Variants in EDA observed in about 807,000 individuals in gnomAD.
EDA encodes the protein ectodysplasin-A.
A neutral mutation model predicts 23.6 loss-of-function variants in EDA; 2 were observed. The observed-to-expected ratio is 0.08, with a 90% CI of 0.03 to 0.27. The LOEUF (loss-of-function observed/expected upper bound fraction) is 0.27, where lower values mean the gene tolerates loss of function less well. EDA is among the 10% of genes least tolerant of loss of function. The pLI, the probability that EDA is intolerant of heterozygous loss-of-function variation, is 1.00. For synonymous variants in EDA, 131 were observed against 132.0 expected (o/e 0.99, Z 0.05); for missense variants, 229 against 324.2 (o/e 0.71, Z 2.26).
At chrX:69,641,423 T>G (rs1932837911) in intron 1 of EDA, among the ~76,000 whole-genome samples, 1 of 111,629 alleles carries the variant, frequency 9.0e-6, no homozygotes, top group African/African-American at 3.3e-5. Context: ...TTTGTGTATA[T>G]ACATACACAC....
intron 1 of EDA, among the ~76,000 whole-genome samples, chrX:69,826,705 A>C (rs1602453128): frequency 1.9e-5 from 2 of 105,562 alleles, no homozygotes; most frequent in African/African-American, 6.8e-5. Context: ...TTACATTTAA[A>C]GTTAATATTG....
chrX:69,726,124 T>A (rs1292376859), intron 1 of EDA, among the ~76,000 whole-genome samples: 3 of 111,923 alleles, frequency 2.7e-5, no homozygotes, highest in African/African-American at 9.7e-5. Context: ...GAAAGTACAG[T>A]GAGTTTAGTT....
chrX:69,625,408 G>A (rs1932346902), intron 1 of EDA, among the ~76,000 whole-genome samples: 1 of 111,113 alleles, frequency 9.0e-6, no homozygotes, highest in Non-Finnish European at 1.9e-5. Flanking sequence ...GGTACATCCA[G>A]GAATAAGAAA....
intron 1 of EDA, among the ~76,000 whole-genome samples, chrX:69,704,721 C>A (rs2011642684): frequency 9.0e-6 from 1 of 110,882 alleles, no homozygotes; most frequent in Admixed American, 9.6e-5. Flanking sequence ...TTTTAAGTTA[C>A]TGAAAAAGAT....
At chrX:69,638,201 C>T (rs1334637514) in intron 1 of EDA, among the ~76,000 whole-genome samples, 1 of 111,454 alleles carries the variant, frequency 9.0e-6, no homozygotes, top group Non-Finnish European at 1.9e-5. Flanking sequence ...GTTGCCCACC[C>T]CCATAATATT....
At chrX:69,680,735 TC>T (rs1485510294) in intron 1 of EDA, among the ~76,000 whole-genome samples, 1 of 92,715 alleles carries the variant, frequency 1.1e-5, no homozygotes, top group African/African-American at 4.2e-5. Flanking sequence ...GAGATGGGTT[TC>T]CTGAATACAG....
At chrX:69,879,283 ATCT>A (rs1220468276) in intron 1 of EDA, among the ~76,000 whole-genome samples, 1 of 111,685 alleles carries the variant, frequency 9.0e-6, no homozygotes, top group African/African-American at 3.3e-5. Flanking sequence ...TGCTTTCCTG[ATCT>A]TCTCCCTCTC....
intron 1 of EDA, among the ~76,000 whole-genome samples, chrX:69,879,442 A>G (rs1310135761): frequency 3.6e-5 from 4 of 111,736 alleles, no homozygotes; most frequent in African/African-American, 9.8e-5. Context: ...AGAAAGAAAG[A>G]AAAAATATAA....
chrX:69,959,095 G>A (rs1018554449), intron 2 of EDA, among the ~76,000 whole-genome samples: 2 of 111,817 alleles, frequency 1.8e-5, no homozygotes, highest in Admixed American at 9.5e-5. Context: ...CTCTGATACC[G>A]ATCTTCCTTA....
chrX:69,989,936 C>CTTTT (rs760347264), intron 2 of EDA, among the ~76,000 whole-genome samples: 12 of 70,699 alleles, frequency 1.7e-4, no homozygotes, highest in African/African-American at 6.6e-4. Flanking sequence ...GTTAGGCTTT[C>CTTTT]TTTTTTTTTT....
At chrX:69,861,421 A>T (rs779533505) in intron 1 of EDA, among the ~76,000 whole-genome samples, 1 of 111,523 alleles carries the variant, frequency 9.0e-6, no homozygotes, top group South Asian at 3.7e-4. Context: ...AATAGAGTAG[A>T]TAGCTTTCAA....
chrX:69,879,940 C>G (rs1377488023), intron 1 of EDA, among the ~76,000 whole-genome samples: 2 of 112,398 alleles, frequency 1.8e-5, no homozygotes, highest in Admixed American at 1.9e-4. Flanking sequence ...CAAGCAAATT[C>G]TGTTCTCCAA....
At chrX:69,901,638 G>A (rs2018100331) in intron 1 of EDA, among the ~76,000 whole-genome samples, 1 of 111,926 alleles carries the variant, frequency 8.9e-6, no homozygotes, top group Non-Finnish European at 1.9e-5. Flanking sequence ...AAGAGACCAA[G>A]AAAGGTAATT....
intron 1 of EDA, among the ~76,000 whole-genome samples, chrX:69,950,987 T>C (rs2018915109): frequency 9.8e-6 from 1 of 102,545 alleles, no homozygotes; most frequent in Admixed American, 1.1e-4. Context: ...ATATACCTAA[T>C]GGTAGATGAC....
chrX:69,810,255 C>T (rs1268279499), intron 1 of EDA, among the ~76,000 whole-genome samples: 2 of 21,286 alleles, frequency 9.4e-5, no homozygotes, highest in African/African-American at 4.8e-4. Context: ...GAGACTCCAT[C>T]TCAAAAAAAA....
chrX:69,674,781 T>C (rs758913062), intron 1 of EDA, among the ~76,000 whole-genome samples: 1 of 111,656 alleles, frequency 9.0e-6, no homozygotes, highest in South Asian at 3.9e-4. Flanking sequence ...AATCAGCCTG[T>C]TTGTTTTGAG....
chrX:70,012,091 TCCTATCAAAGCAGTCC>T (rs1213345896), intron 2 of EDA, among the ~76,000 whole-genome samples: 1 of 111,632 alleles, frequency 9.0e-6, no homozygotes, highest in East Asian at 2.8e-4. Flanking sequence ...CCAATTTTAC[TCCTATCAAAGCAGTCC>T]CCCGTACTGC....
At chrX:69,763,193 A>T (rs2804390) in intron 1 of EDA, among the ~76,000 whole-genome samples, 2 of 112,295 alleles carry the variant, frequency 1.8e-5, no homozygotes, top group Non-Finnish European at 3.8e-5. Context: ...AATAGGCAGG[A>T]TATCTAGGCC....
chrX:70,001,195 T>C (rs374745874), intron 2 of EDA, among the ~76,000 whole-genome samples: 261 of 111,499 alleles, frequency 2.3e-3, no homozygotes, highest in African/African-American at 7.8e-3. Flanking sequence ...CTGGAGTACA[T>C]ACAAACTGAA....
Sources: gnomAD v4.1 joint callset for allele counts (sites outside exome capture counted in the v4.1 genomes callset) on GRCh38, gnomAD v4.1.1 for gene constraint, MANE v1.5 for transcripts, NCBI Gene and HGNC (gene_info 2026-07-23, HGNC 2026-07-21) for gene names.